Variants in ARHGEF18 observed in about 807,000 individuals in gnomAD.
The protein encoded by ARHGEF18 is rho guanine nucleotide exchange factor 18.
A neutral mutation model predicts 155.7 loss-of-function variants in ARHGEF18; 93 were observed. That is an observed-to-expected ratio of 0.60 (90% CI 0.50 to 0.71). The LOEUF (loss-of-function observed/expected upper bound fraction) is 0.71, where lower values mean the gene tolerates loss of function less well. Among genes scored for constraint, ARHGEF18 ranks in the 30% least tolerant of loss-of-function variants. The pLI is 0.00. For missense variants in ARHGEF18, 1,593 were observed against 1,816.1 expected (o/e 0.88, Z 2.23); for synonymous variants, 742 against 753.1 (o/e 0.99, Z 0.24).
intron 2 of ARHGEF18, among the ~76,000 whole-genome samples, chr19:7,370,146 G>A (rs1409486942): frequency 3.3e-5 from 5 of 151,994 alleles, no homozygotes; most frequent in East Asian, 3.9e-4. Flanking sequence ...GCAGTGAGCC[G>A]AGATGGTGCC....
At chr19:7,457,528 A>G (rs1975922617) in intron 18 of ARHGEF18, among the ~76,000 whole-genome samples, 1 of 151,578 alleles carries the variant, frequency 6.6e-6, no homozygotes, top group Non-Finnish European at 1.5e-5. Flanking sequence ...ACACCCGGCT[A>G]CTTTTTGTAT....
chr19:7,464,488 G>A, intron 22 of ARHGEF18, 72 bp from the exon 23 acceptor site: 3 of 1,541,288 alleles, frequency 1.9e-6, no homozygotes, highest in Non-Finnish European at 2.6e-6. Context: ...GCAGGGGCTG[G>A]GGGTGGACTG....
chr19:7,454,811 GA>G (rs1464592444), intron 17 of ARHGEF18, among the ~76,000 whole-genome samples: 3 of 152,148 alleles, frequency 2.0e-5, no homozygotes, highest in African/African-American at 7.2e-5. Context: ...TTTGGGCCCA[GA>G]ATTCCAAACA....
At chr19:7,392,539 A>G (rs1206585878) in intron 10 of ARHGEF18, 1 of 138,844 alleles carries the variant, frequency 7.2e-6, no homozygotes, top group African/African-American at 2.7e-5. Context: ...GACTCTACTG[A>G]AAAAAAAACA....
In ARHGEF18 at chr19:7,355,577, G is replaced by A. The variant is rs548227240; in HGVS notation, c.-111+6336G>A. The A allele has an allele frequency of 4.1e-6, 4 of 980,280 alleles. No homozygotes were observed. The African/African-American group carries it at 7.0e-5, about 17-fold the overall frequency. The allele number at this position is 980,280 out of a possible 1,614,324, so 60.7% of individuals were successfully genotyped here. A position where few individuals can be genotyped will look rare whatever the true frequency, so the allele number is the denominator to read the frequency against. ...CTTACTGGCAGCCCCATCCTGGCAG[G>A]GATTCCCAGGCCAGCTCACACTCAA... On this transcript the variant is annotated intron_variant, in intron 1 of 28. Coordinates refer to ENST00000668164, the MANE Select transcript of ARHGEF18 (RefSeq NM_001367823.1).
At chr19:7,478,411 C>T in the ARHGEF18 span, 276,007 of 1,587,694 alleles carry the variant, frequency 0.17, 25,431 homozygotes, top group Non-Finnish European at 0.19. Context: ...GATGCCCCGG[C>T]GGGGAGCAGG....
chr19:7,437,617 G>A (rs1214828751), intron 10 of ARHGEF18, among the ~76,000 whole-genome samples: 2 of 148,148 alleles, frequency 1.3e-5, no homozygotes, highest in African/African-American at 5.0e-5. Context: ...GGAGCCAGGA[G>A]GCCACAGGAC....
Position 7,468,806 on chromosome 19 carries a change from T to A in ARHGEF18, c.3481-19T>A. Reference sequence around the variant, plus strand: ...CAGCAGGAACCTCACATTGGATGTATCTGCTGTTGTCCCCTCAGGCCCAGC... The same window carrying A: ...CAGCAGGAACCTCACATTGGATGTAACTGCTGTTGTCCCCTCAGGCCCAGC... On this transcript the variant is annotated intron_variant, in intron 26 of 28. Coordinates refer to ENST00000668164, the MANE Select transcript of ARHGEF18 (RefSeq NM_001367823.1). 2.0e-6 allele frequency: 3 copies of A among 1,522,800 alleles called. No homozygotes were observed. Among genetic ancestry groups the A allele is most frequent in the Non-Finnish European group, 2.7e-6 (3 of 1,129,134 alleles). The allele number at this position is 1,522,800 out of a possible 1,614,324, so 94.3% of individuals were successfully genotyped here. A position where few individuals can be genotyped will look rare whatever the true frequency, so the allele number is the denominator to read the frequency against.
chr19:7,399,470 A>G (rs1971911743), intron 10 of ARHGEF18, among the ~76,000 whole-genome samples: 3 of 151,568 alleles, frequency 2.0e-5, no homozygotes, highest in African/African-American at 7.3e-5. Flanking sequence ...TAGATACACT[A>G]ATGTTTTTTT....
intron 10 of ARHGEF18, chr19:7,392,721 G>GAAAAAAAAAAAA (rs112251185): frequency 1.4e-5 from 1 of 72,808 alleles, no homozygotes; most frequent in African/African-American, 3.6e-5. Context: ...TCTCAAGAAA[G>GAAAAAAAAAAAA]AAAAAAAAAA....
At position 7,453,631 on chromosome 19, in the gene ARHGEF18, A is replaced by G. The variant is rs1301593631; in HGVS notation, c.2020A>G (p.Thr674Ala). Residue 674 changes from threonine to alanine, a missense_variant, in exon 17 of 29, where the codon ACC becomes GCC. Physicochemically the swap from Thr to Ala is moderately conservative, Grantham distance 58. Coordinates refer to ENST00000668164, the MANE Select transcript of ARHGEF18 (RefSeq NM_001367823.1). ...TTCCAGCAAACTCAAGAACGGGCTC[A>G]CCTTCCGCAAGGAAGACATGCTTCA... is the stretch of plus-strand genomic sequence containing the variant. The part of the protein sequence containing the change: ...KSSSKLKNGL[T>A]FRKEDMLQRQ... The G allele has an allele frequency of 1.9e-6, 3 of 1,612,472 alleles. No individual in the cohort carries two copies. Among genetic ancestry groups the G allele is most frequent in the East Asian group, 2.2e-5 (1 of 44,828 alleles).
rs1379089559 is a variant in ARHGEF18 at position 7,382,089 on chromosome 19, G to C, written c.723-703G>C. 3.3e-5 allele frequency among the ~76,000 whole-genome samples: 5 copies of C among 152,110 alleles called. No homozygotes were observed. The East Asian group carries it at 9.6e-4, about 29-fold the overall frequency. ...GACCTGGGGATGGAGTTTGGGGTGGGGGAGGAGATAGAAGAATGAGCAGGA... is the reference window on the plus strand; with the variant it reads ...GACCTGGGGATGGAGTTTGGGGTGGCGGAGGAGATAGAAGAATGAGCAGGA... On this transcript the variant is annotated intron_variant, in intron 8 of 28. Coordinates refer to ENST00000668164, the MANE Select transcript of ARHGEF18 (RefSeq NM_001367823.1).
At chr19:7,451,791 G>A (rs773325498) in intron 16 of ARHGEF18, among the ~76,000 whole-genome samples, 8 of 151,622 alleles carry the variant, frequency 5.3e-5, no homozygotes, top group Non-Finnish European at 1.0e-4. Context: ...GCACGATCTC[G>A]GCTCACTGCA....
chr19:7,473,732 C>A (rs1381705057), downstream of ARHGEF18, among the ~76,000 whole-genome samples: 2 of 147,982 alleles, frequency 1.4e-5, no homozygotes, highest in East Asian at 4.1e-4. Context: ...ATGGCGTGAA[C>A]CCAGGAGGCG....
chr19:7,466,822 A>AT lies in ARHGEF18; in HGVS notation c.2905-96_2905-95insT, dbSNP rs1177961486. On this transcript the variant is annotated intron_variant, in intron 23 of 28. Transcript: ENST00000668164. ...TCCGTCTCAAAAAAAAAAAAAAAAA[A>AT]AAAAGTTAAAAAAAAAGAAGAAGAA... The AT allele has an allele frequency of 1.0e-3, 1,164 of 1,143,326 alleles. 16 individuals carry two copies. In the African/African-American group the frequency reaches 0.018, roughly 18 times the overall value. 70.8% of individuals were successfully genotyped at this position (1,143,326 alleles called of 1,614,324 possible).
At chr19:7,375,987 G>C in intron 4 of ARHGEF18, 117 bp downstream of exon 4, 1 of 1,128,746 alleles carries the variant, frequency 8.9e-7, no homozygotes, top group South Asian at 4.6e-5. Context: ...CCATGGCAGG[G>C]TGGAGGCTGC....
At chr19:7,398,690 CAAAAAAAA>C (rs1176940342) in intron 10 of ARHGEF18, among the ~76,000 whole-genome samples, 1 of 114,904 alleles carries the variant, frequency 8.7e-6, no homozygotes, top group African/African-American at 2.7e-5. Context: ...GACTCTGTCT[CAAAAAAAA>C]AAAAAAAAAT....
chr19:7,442,144 T>TA (rs140896776), intron 13 of ARHGEF18, 92 bp downstream of exon 13: 144 of 433,748 alleles, frequency 3.3e-4, no homozygotes, highest in South Asian at 9.1e-4. Context: ...CTTCCTTCCT[T>TA]CCTTCCTTCC....
At chr19:7,477,515 C>T in the ARHGEF18 span, 1 of 1,191,290 alleles carries the variant, frequency 8.4e-7, no homozygotes, top group South Asian at 1.9e-5. Flanking sequence ...CCCTGTGTGG[C>T]CTGGCAGCCC....
Sources: allele counts gnomAD v4.1 joint callset (sites outside exome capture counted in the v4.1 genomes callset), GRCh38; gene constraint gnomAD v4.1.1; transcripts MANE v1.5; gene names NCBI Gene and HGNC (gene_info 2026-07-23, HGNC 2026-07-21).